The following BCAR3 variants were observed in gnomAD, a reference collection of about 807,000 sequenced individuals.
BCAR3 encodes the protein breast cancer anti-estrogen resistance protein 3.
Under a neutral mutation model 80.1 loss-of-function variants are expected in BCAR3, and 37 were observed. The ratio of observed to expected loss-of-function variants is 0.46; its 90% confidence interval spans 0.36 to 0.61. BCAR3 has a LOEUF of 0.61. Ranked by LOEUF, BCAR3 falls within the 20% of genes least tolerant of loss-of-function variation. The pLI, the probability that BCAR3 is intolerant of heterozygous loss-of-function variation, is 0.00. For missense variants in BCAR3, 978 were observed against 1,068.2 expected (o/e 0.92, Z 1.18); for synonymous variants, 389 against 418.9 (o/e 0.93, Z 0.87).
intron 2 of BCAR3, among the ~76,000 whole-genome samples, chr1:93,804,499 C>T (rs1021196234): frequency 1.1e-4 from 16 of 152,256 alleles, no homozygotes; most frequent in Admixed American, 2.0e-4. Context: ...TACTGTGATA[C>T]CATGAGGGCC....
chr1:93,648,016 C>T (rs1232411341), intron 2 of BCAR3, among the ~76,000 whole-genome samples: 18 of 152,076 alleles, frequency 1.2e-4, no homozygotes, highest in Admixed American at 9.8e-4. Flanking sequence ...TCAACTGATC[C>T]GCCCACCTCG....
intron 2 of BCAR3, among the ~76,000 whole-genome samples, chr1:93,742,018 T>C (rs1039143272): frequency 2.0e-5 from 3 of 152,240 alleles, no homozygotes; most frequent in Admixed American, 2.0e-4. Flanking sequence ...CCCGTGTACC[T>C]GCCTCCACCA....
chr1:93,610,749 C>T (rs951126650), intron 3 of BCAR3, among the ~76,000 whole-genome samples: 1 of 152,116 alleles, frequency 6.6e-6, no homozygotes, highest in African/African-American at 2.4e-5. Context: ...AGTTCAAGAT[C>T]AGCACGGCCA....
intron 7 of BCAR3, among the ~76,000 whole-genome samples, chr1:93,576,779 G>A (rs1312914212): frequency 1.3e-5 from 2 of 152,198 alleles, no homozygotes; most frequent in Non-Finnish European, 2.9e-5. Context: ...ATTCTAGTAT[G>A]TAATCTCAGT....
chr1:93,592,101 G>T lies in BCAR3; in HGVS notation c.486+164C>A. On this transcript the variant is annotated intron_variant, in intron 4 of 11. Coordinates refer to ENST00000260502, the MANE Select transcript of BCAR3 (RefSeq NM_003567.4). The surrounding 1 kb of genome is among the most constrained non-coding windows in gnomAD (Gnocchi z 4.8). Reference sequence around the variant, plus strand: ...GTTCTTGACCTCAGCTCTTCCCAAGGTCTTCTTAGAGAAGGGTCTAAATGA... The same window carrying T: ...GTTCTTGACCTCAGCTCTTCCCAAGTTCTTCTTAGAGAAGGGTCTAAATGA... The T allele has an allele frequency of 1.0e-6, 1 of 989,958 alleles. No individual in the cohort carries two copies. The highest frequency in any genetic ancestry group is 1.4e-6 in the Non-Finnish European group (1 of 698,896). 61.3% of individuals were successfully genotyped at this position (989,958 alleles called of 1,614,324 possible). A position where few individuals can be genotyped will look rare whatever the true frequency, so the allele number is the denominator to read the frequency against.
intron 3 of BCAR3, among the ~76,000 whole-genome samples, chr1:93,623,208 T>G (rs1675364807): frequency 6.6e-6 from 1 of 152,080 alleles, no homozygotes; most frequent in South Asian, 2.1e-4. Context: ...TTCGCAAAAC[T>G]TAGCATTCAT....
intron 2 of BCAR3, among the ~76,000 whole-genome samples, chr1:93,755,062 A>T (rs1651697508): frequency 6.6e-6 from 1 of 152,244 alleles, no homozygotes; most frequent in African/African-American, 2.4e-5. Flanking sequence ...AGTTTTTAAC[A>T]AAACAAAAAA....
chr1:93,664,068 G>A (rs1647785118), intron 2 of BCAR3, among the ~76,000 whole-genome samples: 1 of 152,166 alleles, frequency 6.6e-6, no homozygotes, highest in African/African-American at 2.4e-5. Flanking sequence ...AGATTCTAAG[G>A]CCTGATTACT....
chr1:93,594,760 A>T (rs1381176525), intron 3 of BCAR3: 2 of 151,928 alleles, frequency 1.3e-5, no homozygotes. Context: ...GAGATCTGAA[A>T]ATATACAGCA....
chr1:93,756,420 C>T (rs185338377), intron 2 of BCAR3, among the ~76,000 whole-genome samples: 2 of 152,274 alleles, frequency 1.3e-5, no homozygotes, highest in South Asian at 2.1e-4. Flanking sequence ...GCATGGGACA[C>T]GAATGGCTGG....
intron 2 of BCAR3, chr1:93,845,500 AT>A (rs1426917113): frequency 3.7e-5 from 4 of 106,876 alleles, no homozygotes; most frequent in African/African-American, 1.1e-4. Context: ...ATATATATAT[AT>A]AAAACTTTGT....
intron 2 of BCAR3, among the ~76,000 whole-genome samples, chr1:93,786,012 T>G (rs1652925569): frequency 8.4e-6 from 1 of 119,484 alleles, no homozygotes; most frequent in African/African-American, 4.2e-5. Flanking sequence ...GCTAACACGG[T>G]GAAACCCCGT....
At chr1:93,696,473 G>A (rs1649409192) in intron 3 of BCAR3, among the ~76,000 whole-genome samples, 1 of 152,012 alleles carries the variant, frequency 6.6e-6, no homozygotes, top group Admixed American at 6.6e-5. Context: ...TCAAAGTCAT[G>A]CCCTCCTCTC....
chr1:93,663,338 T>C (rs1482018581), intron 2 of BCAR3, among the ~76,000 whole-genome samples: 1 of 152,204 alleles, frequency 6.6e-6, no homozygotes. Flanking sequence ...CTTGGTTGCA[T>C]GACCCGACCT....
chr1:93,786,542 C>T (rs545436296), intron 2 of BCAR3, among the ~76,000 whole-genome samples: 1 of 152,250 alleles, frequency 6.6e-6, no homozygotes, highest in African/African-American at 2.4e-5. Flanking sequence ...AATGTCATTG[C>T]TTTAAGTCAC....
intron 2 of BCAR3, among the ~76,000 whole-genome samples, chr1:93,717,766 C>G (rs372991161): frequency 6.6e-6 from 1 of 151,132 alleles, no homozygotes; most frequent in South Asian, 2.1e-4. Flanking sequence ...CTGTGCGCAA[C>G]CAGATTCCTG....
chr1:93,752,893 T>C (rs1046768234), intron 2 of BCAR3: 1 of 152,250 alleles, frequency 6.6e-6, no homozygotes, highest in Non-Finnish European at 1.5e-5. Context: ...GATTTGTTTG[T>C]TGTTTGTTTA....
intron 3 of BCAR3, among the ~76,000 whole-genome samples, chr1:93,636,243 G>C (rs1445737216): frequency 6.6e-6 from 1 of 152,164 alleles, no homozygotes; most frequent in Non-Finnish European, 1.5e-5. Flanking sequence ...AGAAGCTGCA[G>C]GGCTCTGTCC....
intron 2 of BCAR3, among the ~76,000 whole-genome samples, chr1:93,654,047 C>T (rs573330158): frequency 1.2e-3 from 187 of 152,260 alleles, no homozygotes; most frequent in African/African-American, 4.4e-3. Context: ...ACAAAACCCT[C>T]AAGTCCTCAC....
Sources: allele counts gnomAD v4.1 joint callset (sites outside exome capture counted in the v4.1 genomes callset), GRCh38; gene constraint gnomAD v4.1.1; non-coding constraint Gnocchi (gnomAD v3.1); transcripts MANE v1.5; gene names NCBI Gene and HGNC (gene_info 2026-07-23, HGNC 2026-07-21).